BCL9: variants seen among roughly 807,000 people sequenced by gnomAD.
The protein encoded by BCL9 is B-cell CLL/lymphoma 9 protein.
BCL9 carries 25 observed loss-of-function variants against 88.5 expected under a neutral mutation model. That is an observed-to-expected ratio of 0.28 (90% CI 0.21 to 0.39). BCL9 has a LOEUF of 0.39. BCL9 is among the 10% of genes least tolerant of loss of function. The probability of loss-of-function intolerance (pLI) is 1.00; values close to 1 mark genes in which losing one functional copy is unlikely to be tolerated. For synonymous variants in BCL9, 711 were observed against 673.3 expected (o/e 1.06, Z -0.87); for missense variants, 1,817 against 1,877.8 (o/e 0.97, Z 0.60).
At chr1:147,608,331 T>TG (rs1657829710) in intron 3 of BCL9, among the ~76,000 whole-genome samples, 1 of 998 alleles carries the variant, frequency 1.0e-3, no homozygotes, top group Admixed American at 0.024. Flanking sequence ...TTTGTTTTGC[T>TG]TTTTTTTTTT....
chr1:147,589,084 A>C (rs782504153), intron 1 of BCL9, among the ~76,000 whole-genome samples: 8 of 152,194 alleles, frequency 5.3e-5, no homozygotes, highest in Non-Finnish European at 1.2e-4. Flanking sequence ...ATATTAGCCC[A>C]GGCAAACCAT....
chr1:147,596,779 T>C (rs1657076925), intron 1 of BCL9, among the ~76,000 whole-genome samples: 1 of 152,154 alleles, frequency 6.6e-6, no homozygotes, highest in African/African-American at 2.4e-5. Context: ...CAATTATTAA[T>C]GACTCTCTTG....
rs1415735875 is a variant in BCL9 at position 147,606,840 on chromosome 1, T to C, written c.-286T>C. The stretch of plus-strand genomic sequence containing the variant: ...GACTCCTCACCTCCAGGATGAGCAC[T>C]GCAGTGTCGTGACCCTTGGGGTTTT... On this transcript the variant is annotated 5_prime_UTR_variant, in exon 3 of 10. Transcript: ENST00000234739. The C allele has an allele frequency of 6.6e-6, 1 of 152,592 alleles. No individual in the cohort carries two copies. Among genetic ancestry groups the C allele is most frequent in the Non-Finnish European group, 1.5e-5 (1 of 68,016 alleles). 9.5% of individuals were successfully genotyped at this position (152,592 alleles called of 1,614,324 possible).
intron 1 of BCL9, among the ~76,000 whole-genome samples, chr1:147,561,053 A>G (rs759736873): frequency 2.0e-4 from 30 of 152,230 alleles, no homozygotes; most frequent in Non-Finnish European, 4.1e-4. Flanking sequence ...TTCATTCACT[A>G]TCTTTGTTCC....
rs1054557337 is a variant in BCL9 at position 147,619,684 on chromosome 1, T to C, written c.1529T>C (p.Val510Ala). The C allele has an allele frequency of 3.1e-6, 5 of 1,613,386 alleles. No individual in the cohort carries two copies. The African/African-American group carries it at 6.7e-5, about 22-fold the overall frequency. ...GTCCATCAGCACGGGCCTCGGGGAG[T>C]GGTCCGAGGACCCCCCCCTCCATAC... ...MMVHQHGPRG[V>A]VRGPPPPYQM... The change falls in exon 8 of 10, where the codon GTG becomes GCG. Residue 510 changes from valine (V) to alanine (A), a missense_variant. Transcript: ENST00000234739. The surrounding 1 kb of genome is among the most constrained non-coding windows in gnomAD (Gnocchi z 4.1).
intron 1 of BCL9, among the ~76,000 whole-genome samples, chr1:147,561,367 C>T (rs926225928): frequency 6.6e-6 from 1 of 152,120 alleles, no homozygotes; most frequent in African/African-American, 2.4e-5. Flanking sequence ...TTTTCAGCAA[C>T]TCCCAAGTGA....
In BCL9 at chr1:147,619,992, A is replaced by C; in HGVS notation, c.1837A>C (p.Ser613Arg). The change falls in exon 8 of 10, where the codon AGC becomes CGC. Residue 613 changes from serine (S) to arginine (R), a missense_variant. Physicochemically the swap from Ser to Arg is moderately radical, Grantham distance 110. Coordinates refer to ENST00000234739, the MANE Select transcript of BCL9 (RefSeq NM_004326.4). The surrounding 1 kb of genome is among the most constrained non-coding windows in gnomAD (Gnocchi z 4.1). ...TTTTCCTCCTGGCCAGGGCATTTTCAGCGGTCCTGGCCGAGGGGAACGCTT... is the reference window on the plus strand; with the variant it reads ...TTTTCCTCCTGGCCAGGGCATTTTCCGCGGTCCTGGCCGAGGGGAACGCTT... ...RNFPPGQGIFSGPGRGERFPN... is the reference protein window; with the variant it reads ...RNFPPGQGIFRGPGRGERFPN... 6.2e-7 allele frequency: 1 copy of C among 1,614,054 alleles called. No homozygotes were observed. Among genetic ancestry groups the C allele is most frequent in the Non-Finnish European group, 8.5e-7 (1 of 1,179,896 alleles).
intron 1 of BCL9, among the ~76,000 whole-genome samples, chr1:147,553,805 G>T (rs1654991882): frequency 1.3e-5 from 2 of 152,092 alleles, no homozygotes; most frequent in South Asian, 2.1e-4. Flanking sequence ...GAACTGATAG[G>T]ATTACTTCCT....
chr1:147,590,037 A>T (rs1656783896), intron 1 of BCL9, among the ~76,000 whole-genome samples: 1 of 152,108 alleles, frequency 6.6e-6, no homozygotes, highest in South Asian at 2.1e-4. Flanking sequence ...TTCCTAGCTG[A>T]TGTGTAGTGG....
chr1:147,625,266 A>G lies in BCL9; in HGVS notation c.*307A>G. On this transcript the variant is annotated 3_prime_UTR_variant, in exon 10 of 10. Transcript: ENST00000234739. ...TGTGCTTTGAGAATTGCCATCGGTCATGTGTTGCACCGTTCTCTGTATGTT... is the reference window on the plus strand; with the variant it reads ...TGTGCTTTGAGAATTGCCATCGGTCGTGTGTTGCACCGTTCTCTGTATGTT... The G allele has an allele frequency of 2.7e-6, 1 of 372,794 alleles. No individual in the cohort carries two copies. Among genetic ancestry groups the G allele is most frequent in the Non-Finnish European group, 4.9e-6 (1 of 203,928 alleles). The allele number at this position is 372,794 out of a possible 1,614,324, so 23.1% of individuals were successfully genotyped here.
At chr1:147,571,684 C>T (rs1367875627) in intron 1 of BCL9, among the ~76,000 whole-genome samples, 1 of 152,158 alleles carries the variant, frequency 6.6e-6, no homozygotes, top group Non-Finnish European at 1.5e-5. Flanking sequence ...GAAATGGCCT[C>T]ACAACAAGGT....
In BCL9 at chr1:147,619,989, T is replaced by C. The variant is rs1182275781; in HGVS notation, c.1834T>C (p.Phe612Leu). 13 of 1,613,916 alleles carry C rather than the reference T, an allele frequency of 8.1e-6. No individual in the cohort carries two copies. The highest frequency in any genetic ancestry group is 1.1e-5 in the Non-Finnish European group (13 of 1,179,896). ...AAATTTTCCTCCTGGCCAGGGCATT[T>C]TCAGCGGTCCTGGCCGAGGGGAACG... ...GRNFPPGQGI[F>L]SGPGRGERFP... is the part of the protein sequence containing the mutation. The change falls in exon 8 of 10, where the codon TTC becomes CTC. Residue 612 changes from phenylalanine (F) to leucine (L), a missense_variant. This residue lies in a region of BCL9 where 1,228 missense variants were observed against 1,191.6 expected (regional missense o/e 1.03). Coordinates refer to ENST00000234739, the MANE Select transcript of BCL9 (RefSeq NM_004326.4). The surrounding 1 kb of genome is among the most constrained non-coding windows in gnomAD (Gnocchi z 4.1).
chr1:147,569,014 T>A (rs1436433177), intron 1 of BCL9, among the ~76,000 whole-genome samples: 5 of 151,644 alleles, frequency 3.3e-5, no homozygotes, highest in Non-Finnish European at 7.4e-5. Context: ...CAGTCCAATA[T>A]AAAGTGACAA....
At chr1:147,599,851 G>T (rs587633060) in intron 1 of BCL9, among the ~76,000 whole-genome samples, 40 of 151,736 alleles carry the variant, frequency 2.6e-4, no homozygotes, top group African/African-American at 9.4e-4. Context: ...GGAGGCCGCG[G>T]CGGGTTGGTA....
In BCL9 at chr1:147,625,278, GT is replaced by G; in HGVS notation, c.*321del. On this transcript the variant is annotated 3_prime_UTR_variant, in exon 10 of 10. Coordinates refer to ENST00000234739, the MANE Select transcript of BCL9 (RefSeq NM_004326.4). ...ATTGCCATCGGTCATGTGTTGCACC[GT>G]TCTCTGTATGTTTACGTCCTTTGGA... 2 of 323,126 alleles carry G rather than the reference GT, an allele frequency of 6.2e-6. No individual in the cohort carries two copies. Among genetic ancestry groups the G allele is most frequent in the Non-Finnish European group, 1.1e-5 (2 of 174,534 alleles). The allele number at this position is 323,126 out of a possible 1,614,324, so 20.0% of individuals were successfully genotyped here. A position where few individuals can be genotyped will look rare whatever the true frequency, so the allele number is the denominator to read the frequency against.
intron 3 of BCL9, among the ~76,000 whole-genome samples, chr1:147,609,157 A>T (rs1657878820): frequency 6.6e-6 from 1 of 152,186 alleles, no homozygotes; most frequent in South Asian, 2.1e-4. Context: ...GGGGAAAAAA[A>T]TCTCTCTGGC....
chr1:147,619,713 ATGACCCCTAG>A lies in BCL9; in HGVS notation c.1562_1571del (p.Thr521LysfsTer45). ...CCGAGGACCCCCCCCTCCATACCAGATGACCCCTAGTGAAGGCTGGGCACCTGGGGGTACA... is the reference window on the plus strand; with the variant it reads ...CCGAGGACCCCCCCCTCCATACCAGATGAAGGCTGGGCACCTGGGGGTACA... On this transcript the variant is annotated frameshift_variant, in exon 8 of 10. Coordinates refer to ENST00000234739, the MANE Select transcript of BCL9 (RefSeq NM_004326.4). LOFTEE classifies it high-confidence loss of function. This position sits in a 1 kb window ranked among gnomAD's most constrained non-coding sequence, Gnocchi z 4.1. 6.2e-7 allele frequency: 1 copy of A among 1,613,926 alleles called. No homozygotes were observed. The highest frequency in any genetic ancestry group is 8.5e-7 in the Non-Finnish European group (1 of 1,179,988).
intron 1 of BCL9, among the ~76,000 whole-genome samples, chr1:147,559,698 A>T (rs1325398592): frequency 2.0e-4 from 30 of 152,212 alleles, no homozygotes; most frequent in Admixed American, 1.2e-3. Context: ...AAATGTTATA[A>T]TAGAAATGTA....
chr1:147,543,690 GT>G (rs1654431258), intron 1 of BCL9, among the ~76,000 whole-genome samples: 1 of 152,162 alleles, frequency 6.6e-6, no homozygotes, highest in African/African-American at 2.4e-5. Context: ...GGAAAAAGAA[GT>G]GTTATTCCAT....
Sources: gnomAD v4.1 joint callset for allele counts (sites outside exome capture counted in the v4.1 genomes callset) on GRCh38, gnomAD v4.1.1 for gene constraint, gnomAD v4.1.1 regional missense constraint, Gnocchi (gnomAD v3.1) non-coding constraint, MANE v1.5 for transcripts, NCBI Gene and HGNC (gene_info 2026-07-23, HGNC 2026-07-21) for gene names.